The following GRID2 variants were observed in gnomAD, a reference collection of about 807,000 sequenced individuals.
GRID2 encodes the protein glutamate ionotropic receptor delta type subunit 2, also known as glutamate receptor ionotropic, delta-2.
A neutral mutation model predicts 114.8 loss-of-function variants in GRID2; 33 were observed. That is an observed-to-expected ratio of 0.29 (90% CI 0.22 to 0.38). The LOEUF (loss-of-function observed/expected upper bound fraction) is 0.38. Among genes scored for constraint, GRID2 ranks in the 10% least tolerant of loss-of-function variants. The probability of loss-of-function intolerance (pLI) is 1.00; values close to 1 mark genes in which losing one functional copy is unlikely to be tolerated. For synonymous variants in GRID2, 505 were observed against 449.9 expected (o/e 1.12, Z -1.55); for missense variants, 1,184 against 1,257.7 (o/e 0.94, Z 0.89).
chr4:93,396,614 C>A (rs757491191), intron 9 of GRID2, among the ~76,000 whole-genome samples: 1 of 151,712 alleles, frequency 6.6e-6, no homozygotes, highest in Non-Finnish European at 1.5e-5. Context: ...GAGGAGTAAC[C>A]GAAACTGGTG....
chr4:93,144,220 A>G (rs1251312528), intron 4 of GRID2, among the ~76,000 whole-genome samples: 1 of 152,172 alleles, frequency 6.6e-6, no homozygotes, highest in Admixed American at 6.5e-5. Flanking sequence ...AAGATGATGG[A>G]GATGAAGCTG....
At chr4:93,276,401 T>C (rs1411410607) in intron 8 of GRID2, among the ~76,000 whole-genome samples, 2 of 151,998 alleles carry the variant, frequency 1.3e-5, no homozygotes, top group African/African-American at 4.8e-5. Flanking sequence ...AGTTTTGCTC[T>C]TTTTCAGGAT....
chr4:93,015,573 T>A (rs1255484539), intron 2 of GRID2, among the ~76,000 whole-genome samples: 1 of 152,060 alleles, frequency 6.6e-6, no homozygotes, highest in East Asian at 1.9e-4. Context: ...GAAATGAAAA[T>A]CATGAACAAG....
intron 2 of GRID2, among the ~76,000 whole-genome samples, chr4:92,626,460 A>C (rs903770992): frequency 6.6e-6 from 1 of 152,020 alleles, no homozygotes; most frequent in African/African-American, 2.4e-5. Context: ...AAAACACCAA[A>C]CAACATAGCG....
At chr4:93,030,181 T>G (rs1724263897) in intron 2 of GRID2, among the ~76,000 whole-genome samples, 1 of 152,288 alleles carries the variant, frequency 6.6e-6, no homozygotes, top group African/African-American at 2.4e-5. Context: ...AATACATAAC[T>G]ATTTCATGGT....
chr4:93,580,753 A>ATT (rs34780370), intron 13 of GRID2, among the ~76,000 whole-genome samples: 4 of 146,250 alleles, frequency 2.7e-5, no homozygotes, highest in Non-Finnish European at 6.0e-5. Context: ...GGCAAAGAGC[A>ATT]TTTTTTTTTT....
At chr4:93,569,671 G>A (rs991043847) in intron 13 of GRID2, among the ~76,000 whole-genome samples, 9 of 151,996 alleles carry the variant, frequency 5.9e-5, no homozygotes, top group African/African-American at 9.7e-5. Context: ...CCCTACCTCC[G>A]TCTTTACTGA....
chr4:92,954,621 T>A lies in GRID2; in HGVS notation c.245-130374T>A, dbSNP rs538991431. Among the ~76,000 whole-genome samples, 1,301 of 151,134 alleles carry A rather than the reference T, an allele frequency of 8.6e-3. 26 individuals are homozygous for A. Among genetic ancestry groups the A allele is most frequent in the African/African-American group, 0.03 (1,237 of 41,236 alleles). Reference sequence around the variant, plus strand: ...TTTTTTTTTAATTTTCTTTTTTTTTTATTATTATTATACTTTAAGTTTTAG... The same window carrying A: ...TTTTTTTTTAATTTTCTTTTTTTTTAATTATTATTATACTTTAAGTTTTAG... On this transcript the variant is annotated intron_variant, in intron 2 of 15. Transcript: ENST00000282020.
intron 9 of GRID2, among the ~76,000 whole-genome samples, chr4:93,422,436 C>T (rs1052429135): frequency 3.4e-4 from 51 of 151,944 alleles, no homozygotes; most frequent in Admixed American, 6.6e-4. Flanking sequence ...AGAATAGATA[C>T]GATAAATTTA....
chr4:93,213,055 G>A (rs1433864893), intron 5 of GRID2, among the ~76,000 whole-genome samples: 1 of 152,138 alleles, frequency 6.6e-6, no homozygotes, highest in Non-Finnish European at 1.5e-5. Context: ...TTACAGGCGT[G>A]AGCCACCGTG....
chr4:92,359,148 T>A (rs1728485395), intron 1 of GRID2, among the ~76,000 whole-genome samples: 1 of 151,938 alleles, frequency 6.6e-6, no homozygotes, highest in Admixed American at 6.6e-5. Context: ...TTTTGTTCTT[T>A]GTTCTTCTTT....
intron 2 of GRID2, among the ~76,000 whole-genome samples, chr4:93,063,148 G>A (rs1379189305): frequency 6.6e-6 from 1 of 151,764 alleles, no homozygotes; most frequent in Non-Finnish European, 1.5e-5. Flanking sequence ...AGGAGAAATT[G>A]AATAAATAGT....
intron 2 of GRID2, among the ~76,000 whole-genome samples, chr4:93,034,378 A>G (rs570582598): frequency 1.3e-5 from 2 of 152,252 alleles, no homozygotes; most frequent in South Asian, 2.1e-4. Flanking sequence ...TTCTAAAACT[A>G]GGCTTTGGAA....
intron 9 of GRID2, among the ~76,000 whole-genome samples, chr4:93,407,049 C>T (rs1170434404): frequency 6.6e-6 from 1 of 152,120 alleles, no homozygotes; most frequent in Non-Finnish European, 1.5e-5. Context: ...ATCACATATG[C>T]TTTTCCTGTC....
At chr4:92,503,687 A>G (rs1352000804) in intron 1 of GRID2, among the ~76,000 whole-genome samples, 1 of 152,148 alleles carries the variant, frequency 6.6e-6, no homozygotes, top group Non-Finnish European at 1.5e-5. Flanking sequence ...CACTGAACAT[A>G]CATAACACTG....
intron 2 of GRID2, among the ~76,000 whole-genome samples, chr4:93,020,855 A>G (rs1417033279): frequency 1.3e-5 from 2 of 152,070 alleles, no homozygotes; most frequent in South Asian, 2.1e-4. Flanking sequence ...CAACATGGCA[A>G]AACCCCGTCT....
At chr4:93,151,479 C>T (rs1300083446) in intron 4 of GRID2, among the ~76,000 whole-genome samples, 1 of 151,820 alleles carries the variant, frequency 6.6e-6, no homozygotes, top group Non-Finnish European at 1.5e-5. Flanking sequence ...AGAAATTAGA[C>T]ACCGCCTTCT....
intron 8 of GRID2, among the ~76,000 whole-genome samples, chr4:93,363,516 T>G (rs1268871872): frequency 6.6e-6 from 1 of 152,212 alleles, no homozygotes; most frequent in Admixed American, 6.5e-5. Flanking sequence ...ACTACCTCTG[T>G]TAATGATATA....
intron 1 of GRID2, among the ~76,000 whole-genome samples, chr4:92,536,798 A>T (rs953269189): frequency 6.6e-6 from 1 of 152,178 alleles, no homozygotes; most frequent in Admixed American, 6.6e-5. Flanking sequence ...TGCCCCCAAG[A>T]ATGACTAAGT....
Sources: allele counts gnomAD v4.1 joint callset (sites outside exome capture counted in the v4.1 genomes callset), GRCh38; gene constraint gnomAD v4.1.1; transcripts MANE v1.5; gene names NCBI Gene and HGNC (gene_info 2026-07-23, HGNC 2026-07-21).